Variants in PCDHGA2 observed in about 807,000 individuals in gnomAD.
The protein encoded by PCDHGA2 is protocadherin gamma subfamily A, 2.
Under a neutral mutation model 59.2 loss-of-function variants are expected in PCDHGA2, and 40 were observed. That is an observed-to-expected ratio of 0.68 (90% CI 0.52 to 0.88). The LOEUF (loss-of-function observed/expected upper bound fraction) is 0.88. Among genes scored for constraint, PCDHGA2 ranks in the 40% least tolerant of loss-of-function variants. PCDHGA2 has a pLI of 0.00. For synonymous variants in PCDHGA2, 560 were observed against 526.0 expected (o/e 1.06, Z -0.89); for missense variants, 1,226 against 1,204.0 (o/e 1.02, Z -0.27).
intron 1 of PCDHGA2, chr5:141,355,056 T>A (rs1323351073): frequency 1.6e-6 from 2 of 1,231,662 alleles, no homozygotes; most frequent in Non-Finnish European, 2.2e-6. Flanking sequence ...AAGCACTGGC[T>A]CTGGAGCTTT....
Position 141,366,562 on chromosome 5 carries a change from T to A in PCDHGA2, c.2424+25167T>A, listed in dbSNP as rs767375100. 15 of 1,614,112 alleles carry A rather than the reference T, an allele frequency of 9.3e-6. No homozygotes were observed. The East Asian group carries it at 2.0e-4, about 22-fold the overall frequency. On this transcript the variant is annotated intron_variant, in intron 1 of 3. Transcript: ENST00000394576. Reference sequence around the variant, plus strand: ...CCGCCTCGCACTTTGTGGGCGTGGATGGGGTTCGGGCTTTCCTGCAGACCT... The same window carrying A: ...CCGCCTCGCACTTTGTGGGCGTGGAAGGGGTTCGGGCTTTCCTGCAGACCT...
rs547484104 is a variant in PCDHGA2, at chr5:141,350,552, G to A, written c.2424+9157G>A. ...AGAGAAGATTTGCGGAAGGAAACTT[G>A]AGTGTGCACTAGAATTCGAAACGGT... On this transcript the variant is annotated intron_variant, in intron 1 of 3. Coordinates refer to ENST00000394576, the MANE Select transcript of PCDHGA2 (RefSeq NM_018915.4). 18 of 1,614,064 alleles carry A rather than the reference G, an allele frequency of 1.1e-5. No individual in the cohort carries two copies. The Admixed American group carries it at 1.2e-4, about 10-fold the overall frequency.
intron 1 of PCDHGA2, chr5:141,382,819 G>T (rs1449028360): frequency 3.1e-6 from 4 of 1,297,848 alleles, no homozygotes; most frequent in Non-Finnish European, 4.3e-6. Flanking sequence ...CCCTTCCTAA[G>T]ACAGAGGGGT....
chr5:141,370,814 G>T, intron 1 of PCDHGA2: 1 of 1,614,024 alleles, frequency 6.2e-7, no homozygotes, highest in Non-Finnish European at 8.5e-7. Flanking sequence ...TCACTGAGCT[G>T]GAAATCAGCG....
intron 1 of PCDHGA2, among the ~76,000 whole-genome samples, chr5:141,481,008 A>G (rs2099529606): frequency 6.6e-6 from 1 of 152,224 alleles, no homozygotes; most frequent in Non-Finnish European, 1.5e-5. Context: ...CAGTGAGCCC[A>G]GATCACACCA....
intron 1 of PCDHGA2, among the ~76,000 whole-genome samples, chr5:141,425,812 G>A (rs1472168775): frequency 6.6e-6 from 1 of 152,054 alleles, no homozygotes; most frequent in African/African-American, 2.4e-5. Context: ...CTTCTGCTTA[G>A]AAAAAAACAA....
intron 1 of PCDHGA2, chr5:141,375,430 G>C: frequency 6.2e-7 from 1 of 1,613,848 alleles, no homozygotes; most frequent in Non-Finnish European, 8.5e-7. Flanking sequence ...ACGACAACCC[G>C]CCCACCTTCC....
intron 1 of PCDHGA2, chr5:141,384,987 G>C (rs775895766): frequency 6.2e-7 from 1 of 1,614,114 alleles, no homozygotes; most frequent in African/African-American, 1.3e-5. Context: ...TGGTGGTGGC[G>C]GTGGCCACAG....
At chr5:141,350,225 T>C in intron 1 of PCDHGA2, 1 of 1,498,610 alleles carries the variant, frequency 6.7e-7, no homozygotes, top group Non-Finnish European at 8.9e-7. Flanking sequence ...TTGAAAAACA[T>C]CCCAGAGGAA....
chr5:141,427,546 C>T (rs779995777), intron 1 of PCDHGA2: 1 of 639,564 alleles, frequency 1.6e-6, no homozygotes, highest in South Asian at 1.5e-5. Context: ...GTCACCATCA[C>T]TGCCACTGAC....
chr5:141,410,341 G>A (rs759674499), intron 1 of PCDHGA2: 1 of 1,613,992 alleles, frequency 6.2e-7, no homozygotes, highest in Non-Finnish European at 8.5e-7. Context: ...CCATTGCCTT[G>A]CGCCTGCGAC....
intron 1 of PCDHGA2, chr5:141,356,550 C>G (rs954388230): frequency 5.6e-6 from 9 of 1,614,054 alleles, no homozygotes; most frequent in Non-Finnish European, 7.6e-6. Flanking sequence ...ACAACCCACC[C>G]ACTTTCCCTC....
At position 141,480,148 on chromosome 5, in the gene PCDHGA2, G is replaced by C. The variant is rs139861128; in HGVS notation, c.2425-14659G>C. On this transcript the variant is annotated intron_variant, in intron 1 of 3. Transcript: ENST00000394576. ...ATAACTGTTAAACAATTATTAGCCA[G>C]CTCCTAGCATTTTGGGAGGCTGAGG... 9.2e-4 allele frequency among the ~76,000 whole-genome samples: 140 copies of C among 152,036 alleles called. 1 individual carries two copies. The highest frequency in any genetic ancestry group is 3.1e-3 in the African/African-American group (127 of 41,470).
At chr5:141,467,055 C>CTTTTTTTTTTT (rs1193465269) in intron 1 of PCDHGA2, among the ~76,000 whole-genome samples, 1 of 134,498 alleles carries the variant, frequency 7.4e-6, no homozygotes, top group Non-Finnish European at 1.6e-5. Context: ...TCAATGTTTT[C>CTTTTTTTTTTT]TTTTTTTTTT....
At chr5:141,483,186 A>G (rs2099578047) in intron 1 of PCDHGA2, among the ~76,000 whole-genome samples, 1 of 152,174 alleles carries the variant, frequency 6.6e-6, no homozygotes, top group Non-Finnish European at 1.5e-5. Flanking sequence ...CAAGCCAAGG[A>G]GTTTTTATTT....
intron 1 of PCDHGA2, among the ~76,000 whole-genome samples, chr5:141,451,498 C>A (rs2098717552): frequency 6.6e-6 from 1 of 152,208 alleles, no homozygotes; most frequent in South Asian, 2.1e-4. Flanking sequence ...CTCCATAGGG[C>A]AACCAGCTTC....
chr5:141,431,907 T>A lies in PCDHGA2; in HGVS notation c.2425-62900T>A, dbSNP rs2097427946. 2 of 1,613,964 alleles carry A rather than the reference T, an allele frequency of 1.2e-6. No homozygotes were observed. Among genetic ancestry groups the A allele is most frequent in the South Asian group, 2.2e-5 (2 of 91,086 alleles). Reference sequence around the variant, plus strand: ...GATTCTGAGGAAAACGGACAGGTGATCTGTTTCATCCAAGGAAATCTGCCC... The same window carrying A: ...GATTCTGAGGAAAACGGACAGGTGAACTGTTTCATCCAAGGAAATCTGCCC... On this transcript the variant is annotated intron_variant, in intron 1 of 3. Transcript: ENST00000394576. This position sits in a 1 kb window ranked among gnomAD's most constrained non-coding sequence, Gnocchi z 4.8.
chr5:141,394,836 T>C (rs116789057), intron 1 of PCDHGA2: 14 of 1,613,630 alleles, frequency 8.7e-6, no homozygotes, highest in South Asian at 1.1e-5. Flanking sequence ...CCTGACCGAG[T>C]TGGGCAGTCT....
intron 3 of PCDHGA2, chr5:141,506,958 A>C (rs529190059): frequency 1.6e-3 from 239 of 152,280 alleles, no homozygotes; most frequent in African/African-American, 5.5e-3. Flanking sequence ...GAATCCTCTC[A>C]ATAGCTCTGC....
Sources: allele counts gnomAD v4.1 joint callset (sites outside exome capture counted in the v4.1 genomes callset), GRCh38; gene constraint gnomAD v4.1.1; non-coding constraint Gnocchi (gnomAD v3.1); transcripts MANE v1.5; gene names NCBI Gene and HGNC (gene_info 2026-07-23, HGNC 2026-07-21).